Variants in ADGRL2 observed in about 807,000 individuals in gnomAD.
ADGRL2 encodes the protein adhesion G protein-coupled receptor L2, also known as calcium-independent alpha-latrotoxin receptor 2.
Under a neutral mutation model 157.4 loss-of-function variants are expected in ADGRL2, and 44 were observed. The observed-to-expected ratio is 0.28, with a 90% CI of 0.22 to 0.36. The LOEUF (loss-of-function observed/expected upper bound fraction) is 0.36. ADGRL2 is among the 10% of genes least tolerant of loss of function. The pLI is 1.00. For synonymous variants in ADGRL2, 585 were observed against 624.7 expected (o/e 0.94, Z 0.95); for missense variants, 1,510 against 1,768.9 (o/e 0.85, Z 2.63).
chr1:81,312,249 G>T (rs564752034), intron 1 of ADGRL2, among the ~76,000 whole-genome samples: 1 of 152,290 alleles, frequency 6.6e-6, no homozygotes, highest in South Asian at 2.1e-4. Context: ...GGTTCTAAAA[G>T]GAATTTTGCA....
chr1:81,418,820 T>C (rs1161587597), intron 1 of ADGRL2, among the ~76,000 whole-genome samples: 2 of 152,196 alleles, frequency 1.3e-5, no homozygotes, highest in African/African-American at 2.4e-5. Context: ...GATACATTAA[T>C]ATCTGATTTC....
rs1319169867 is a variant in ADGRL2 at position 81,801,001 on chromosome 1, G to A, written c.-168G>A. Among the ~76,000 whole-genome samples, 1 of 150,438 alleles carries A rather than the reference G, an allele frequency of 6.6e-6. No individual in the cohort carries two copies. Among genetic ancestry groups the A allele is most frequent in the Non-Finnish European group, 1.5e-5 (1 of 67,520 alleles). On this transcript the variant is annotated 5_prime_UTR_variant, in exon 1 of 24. Transcript: ENST00000686636. ...GCCCTGCGGCCGCCCCGCCGGCGGA[G>A]CCGGGGCCGGCCTGGTCCTCGGGCG...
intron 1 of ADGRL2, among the ~76,000 whole-genome samples, chr1:81,821,419 C>T (rs2090979153): frequency 6.6e-6 from 1 of 152,102 alleles, no homozygotes; most frequent in Non-Finnish European, 1.5e-5. Context: ...TGGGTCATTA[C>T]ATACCACAGG....
chr1:81,494,264 A>G (rs1192495554), intron 2 of ADGRL2, among the ~76,000 whole-genome samples: 2 of 152,244 alleles, frequency 1.3e-5, no homozygotes, highest in East Asian at 3.9e-4. Flanking sequence ...TATCCATTCC[A>G]TGTAAACTGA....
intron 3 of ADGRL2, among the ~76,000 whole-genome samples, chr1:81,639,356 C>T (rs1254366798): frequency 6.6e-6 from 1 of 152,026 alleles, no homozygotes; most frequent in Non-Finnish European, 1.5e-5. Flanking sequence ...CAGGCATGAG[C>T]CACTGGGCCC....
intron 1 of ADGRL2, among the ~76,000 whole-genome samples, chr1:81,395,213 T>A (rs1006370882): frequency 6.6e-6 from 1 of 152,320 alleles, no homozygotes; most frequent in Non-Finnish European, 1.5e-5. Context: ...GTCTCTTTGA[T>A]AATAGCCATT....
chr1:81,875,428 G>C (rs1285125777), intron 2 of ADGRL2, among the ~76,000 whole-genome samples: 2 of 152,098 alleles, frequency 1.3e-5, no homozygotes, highest in Non-Finnish European at 2.9e-5. Flanking sequence ...TTTGATTAAA[G>C]CAGCTTTATA....
intron 1 of ADGRL2, among the ~76,000 whole-genome samples, chr1:81,817,957 A>G (rs756769996): frequency 1.1e-4 from 16 of 152,010 alleles, no homozygotes; most frequent in Non-Finnish European, 2.1e-4. Flanking sequence ...TGAGGCCAGG[A>G]GTTCGAGATC....
chr1:81,642,246 T>A (rs1296616501), intron 3 of ADGRL2, among the ~76,000 whole-genome samples: 2 of 111,078 alleles, frequency 1.8e-5, no homozygotes, highest in African/African-American at 3.4e-5. Flanking sequence ...AGACTCTGTC[T>A]CCAAAAAAAA....
At chr1:81,847,436 T>C (rs1330775656) in intron 2 of ADGRL2, among the ~76,000 whole-genome samples, 1 of 151,962 alleles carries the variant, frequency 6.6e-6, no homozygotes, top group Non-Finnish European at 1.5e-5. Context: ...AATGAGAGTT[T>C]ACATGACAGT....
At position 81,477,097 on chromosome 1, in the gene ADGRL2, C is replaced by G. The variant is rs1320069063; in HGVS notation, c.-248+32008C>G. 2.6e-5 allele frequency among the ~76,000 whole-genome samples: 4 copies of G among 152,150 alleles called. No individual in the cohort carries two copies. In the East Asian group the frequency reaches 7.7e-4, roughly 29 times the overall value. On this transcript the variant is annotated intron_variant, in intron 2 of 24. Transcript: ENST00000370721. ...GTTCCTCAGATTGGTTGACCATTGC[C>G]ACTAACCCACCCTGGAACCAATACT...
Position 81,993,220 on chromosome 1 carries a change from C to T in ADGRL2, c.*2075C>T, listed in dbSNP as rs1664920843. Reference sequence around the variant, plus strand: ...AGGTTCTCAAACAGATTTAACAATCCTCTGAGAATGGTACTCATTTATTTG... The same window carrying T: ...AGGTTCTCAAACAGATTTAACAATCTTCTGAGAATGGTACTCATTTATTTG... On this transcript the variant is annotated 3_prime_UTR_variant, in exon 24 of 24. Coordinates refer to ENST00000686636, the MANE Select transcript of ADGRL2 (RefSeq NM_001366006.2). Among the ~76,000 whole-genome samples, 1 of 146,238 alleles carries T rather than the reference C, an allele frequency of 6.8e-6. No homozygotes were observed. Among genetic ancestry groups the T allele is most frequent in the South Asian group, 2.2e-4 (1 of 4,528 alleles).
At chr1:81,633,807 C>T (rs1056491261) in intron 3 of ADGRL2, among the ~76,000 whole-genome samples, 6 of 151,970 alleles carry the variant, frequency 3.9e-5, no homozygotes, top group African/African-American at 1.5e-4. Context: ...CACTTTCACC[C>T]GCACTACTGC....
chr1:81,412,734 G>A (rs2076967921), intron 1 of ADGRL2, among the ~76,000 whole-genome samples: 1 of 152,140 alleles, frequency 6.6e-6, no homozygotes, highest in African/African-American at 2.4e-5. Context: ...ATTGGGTGAA[G>A]GATGTATAGA....
intron 1 of ADGRL2, among the ~76,000 whole-genome samples, chr1:81,430,415 C>T (rs2077298615): frequency 6.6e-6 from 1 of 152,158 alleles, no homozygotes; most frequent in Admixed American, 6.5e-5. Flanking sequence ...AGAGCTCTGT[C>T]AATGCCCCAG....
intron 2 of ADGRL2, among the ~76,000 whole-genome samples, chr1:81,788,801 T>C (rs1298455377): frequency 6.6e-6 from 1 of 152,134 alleles, no homozygotes; most frequent in Non-Finnish European, 1.5e-5. Context: ...CTGCAACCTC[T>C]GCCTTTCAGG....
intron 7 of ADGRL2, among the ~76,000 whole-genome samples, 179 bp from the exon 8 acceptor site, chr1:81,950,839 G>T (rs1651544016): frequency 6.6e-6 from 1 of 152,150 alleles, no homozygotes; most frequent in African/African-American, 2.4e-5. Flanking sequence ...TTTCTATGCT[G>T]ACTTCATATT....
intron 1 of ADGRL2, chr1:81,735,005 G>A (rs2084850530): frequency 6.9e-6 from 1 of 144,778 alleles, no homozygotes; most frequent in East Asian, 2.0e-4. Context: ...TTGCACTCCA[G>A]CCTGGGCAAC....
Position 81,928,527 on chromosome 1 carries a change from C to G in ADGRL2, c.288-8201C>G, listed in dbSNP as rs561565118. ...AGCTTCTTTTTTCTTTTATTATTTT[C>G]TCTTAAACTCCCACTTTCTAGTAGT... On this transcript the variant is annotated intron_variant, in intron 3 of 23. Coordinates refer to ENST00000686636, the MANE Select transcript of ADGRL2 (RefSeq NM_001366006.2). Among the ~76,000 whole-genome samples the G allele has an allele frequency of 3.3e-5, 5 of 152,024 alleles. No individual in the cohort carries two copies. The East Asian group carries it at 9.7e-4, about 29-fold the overall frequency.
Sources: gnomAD v4.1 joint callset for allele counts (sites outside exome capture counted in the v4.1 genomes callset) on GRCh38, gnomAD v4.1.1 for gene constraint, MANE v1.5 for transcripts, NCBI Gene and HGNC (gene_info 2026-07-23, HGNC 2026-07-21) for gene names.